The following MYH10 variants were observed in gnomAD, a reference collection of about 807,000 sequenced individuals.
MYH10 encodes the protein myosin heavy chain 10.
A neutral mutation model predicts 257.8 loss-of-function variants in MYH10; 55 were observed. The ratio of observed to expected loss-of-function variants is 0.21; its 90% CI spans 0.17 to 0.27. The LOEUF (loss-of-function observed/expected upper bound fraction) is 0.27. Among genes scored for constraint, MYH10 ranks in the 10% least tolerant of loss-of-function variants. MYH10 has a pLI of 1.00. For missense variants in MYH10, 1,631 were observed against 2,500.6 expected (o/e 0.65, Z 7.42); for synonymous variants, 854 against 921.7 (o/e 0.93, Z 1.33).
chr17:8,591,571 C>T (rs559781455), intron 3 of MYH10, among the ~76,000 whole-genome samples: 1 of 152,234 alleles, frequency 6.6e-6, no homozygotes, highest in African/African-American at 2.4e-5. Context: ...TCCACTATAC[C>T]AAGTTGTTTA....
chr17:8,592,967 AT>A (rs2084226904), intron 3 of MYH10, among the ~76,000 whole-genome samples: 2 of 127,244 alleles, frequency 1.6e-5, no homozygotes, highest in Non-Finnish European at 3.4e-5. Context: ...ATATATATAT[AT>A]ATAAAAGATG....
chr17:8,563,949 G>C (rs934450943), intron 7 of MYH10, among the ~76,000 whole-genome samples: 3 of 151,754 alleles, frequency 2.0e-5, no homozygotes, highest in African/African-American at 7.3e-5. Flanking sequence ...AGAAGGATTT[G>C]TGGAAATAGA....
intron 3 of MYH10, among the ~76,000 whole-genome samples, chr17:8,603,070 G>T (rs376808067): frequency 3.2e-4 from 48 of 152,258 alleles, no homozygotes; most frequent in African/African-American, 1.1e-3. Flanking sequence ...CCATACAGCT[G>T]GTCTGGGAAC....
intron 4 of MYH10, among the ~76,000 whole-genome samples, chr17:8,580,089 T>A (rs2083645686): frequency 6.6e-6 from 1 of 151,908 alleles, no homozygotes. Flanking sequence ...ATCTTGCCAC[T>A]GCACTCAAGC....
rs1364382308 is a variant in MYH10 at position 8,504,086 on chromosome 17, C to T, written c.3599+608G>A. 6.6e-6 allele frequency among the ~76,000 whole-genome samples: 1 copy of T among 152,346 alleles called. No individual in the cohort carries two copies. The highest frequency in any genetic ancestry group is 2.1e-4 in the South Asian group (1 of 4,832). On this transcript the variant is annotated intron_variant, in intron 28 of 42. Coordinates refer to ENST00000360416, the MANE Select transcript of MYH10 (RefSeq NM_001256012.3). The surrounding 1 kb of genome is among the most constrained non-coding windows in gnomAD (Gnocchi z 5.6). ...CTGCGACTCGTGGGCTGCCACACTGCAGCTTTCTACCCAGGAGCCTTCTCT... is the reference window on the plus strand; with the variant it reads ...CTGCGACTCGTGGGCTGCCACACTGTAGCTTTCTACCCAGGAGCCTTCTCT...
At chr17:8,516,755 T>C (rs2081480976) in intron 21 of MYH10, among the ~76,000 whole-genome samples, 1 of 152,326 alleles carries the variant, frequency 6.6e-6, no homozygotes, top group African/African-American at 2.4e-5. Context: ...TATGCTATGT[T>C]AGGCATTCTG....
intron 35 of MYH10, among the ~76,000 whole-genome samples, chr17:8,487,844 G>T (rs1002099025): frequency 1.3e-5 from 2 of 152,180 alleles, no homozygotes; most frequent in African/African-American, 4.8e-5. Flanking sequence ...CATGCGAGAA[G>T]GCAGCCAGTG....
At position 8,561,375 on chromosome 17, in the gene MYH10, C is replaced by T. The variant is rs922487100; in HGVS notation, c.757-7357G>A. 6.2e-6 allele frequency: 7 copies of T among 1,125,102 alleles called. No homozygotes were observed. In the African/African-American group the frequency reaches 9.1e-5, roughly 15 times the overall value. 69.7% of individuals were successfully genotyped at this position (1,125,102 alleles called of 1,614,324 possible). A position where few individuals can be genotyped will look rare whatever the true frequency, so the allele number is the denominator to read the frequency against. On this transcript the variant is annotated intron_variant, in intron 7 of 42. Coordinates refer to ENST00000360416, the MANE Select transcript of MYH10 (RefSeq NM_001256012.3). ...ATTCGAAACACAGTGGAGGCCGCAG[C>T]AGTCAGGGGCATTCTGAAGCAAGTG...
intron 35 of MYH10, 102 bp from the exon 36 acceptor site, chr17:8,487,696 G>A: frequency 7.5e-7 from 1 of 1,330,716 alleles, no homozygotes; most frequent in South Asian, 1.3e-5. Flanking sequence ...CGGGTGAGTG[G>A]AAACTTCTGT....
At chr17:8,550,766 A>G (rs2082614606) in intron 9 of MYH10, among the ~76,000 whole-genome samples, 1 of 151,888 alleles carries the variant, frequency 6.6e-6, no homozygotes, top group Admixed American at 6.6e-5. Flanking sequence ...AGAAGTAGAC[A>G]TGGGAGACTT....
intron 17 of MYH10, among the ~76,000 whole-genome samples, chr17:8,522,647 CT>C: frequency 6.6e-6 from 1 of 152,306 alleles, no homozygotes; most frequent in East Asian, 1.9e-4. Flanking sequence ...CTGATCTTCC[CT>C]TGACCCTGTA....
chr17:8,593,982 T>C (rs2084266842), intron 3 of MYH10, among the ~76,000 whole-genome samples: 1 of 152,146 alleles, frequency 6.6e-6, no homozygotes, highest in Non-Finnish European at 1.5e-5. Flanking sequence ...AGGAAAGACA[T>C]ATAGATCAAA....
chr17:8,528,904 A>G (rs552585246), intron 17 of MYH10, among the ~76,000 whole-genome samples: 1 of 152,336 alleles, frequency 6.6e-6, no homozygotes, highest in South Asian at 2.1e-4. Context: ...TCCAAGGAGA[A>G]GCAGAGATTG....
At chr17:8,537,943 G>A (rs1339876589) in intron 14 of MYH10, among the ~76,000 whole-genome samples, 1 of 152,198 alleles carries the variant, frequency 6.6e-6, no homozygotes, top group East Asian at 1.9e-4. Context: ...TGTGAACTCA[G>A]AGGCTTGCCT....
chr17:8,555,260 T>C (rs918268113), intron 7 of MYH10, among the ~76,000 whole-genome samples: 1 of 152,204 alleles, frequency 6.6e-6, no homozygotes, highest in Non-Finnish European at 1.5e-5. Context: ...AGTCAAGGGA[T>C]TGGAGGGCTT....
chr17:8,558,385 A>C (rs948159566), intron 7 of MYH10, among the ~76,000 whole-genome samples: 1 of 152,224 alleles, frequency 6.6e-6, no homozygotes, highest in Non-Finnish European at 1.5e-5. Flanking sequence ...GCTTCACAGA[A>C]ACAGTGCCAG....
chr17:8,491,070 T>G (rs1915686690), intron 34 of MYH10, among the ~76,000 whole-genome samples: 1 of 152,180 alleles, frequency 6.6e-6, no homozygotes, highest in Admixed American at 6.5e-5. Context: ...CAGCACCATT[T>G]CCCTCATTCT....
intron 7 of MYH10, among the ~76,000 whole-genome samples, chr17:8,563,794 G>A (rs963651051): frequency 4.6e-5 from 7 of 151,714 alleles, no homozygotes; most frequent in African/African-American, 1.7e-4. Context: ...TAAGGAGGAT[G>A]CCTAGAGCCC....
In MYH10 at chr17:8,615,157, T is replaced by G. The variant is rs369290558; in HGVS notation, c.345+7745A>C. On this transcript the variant is annotated intron_variant, in intron 2 of 42. Transcript: ENST00000360416. Reference sequence around the variant, plus strand: ...AAAAAATACAGAAATTAGCCGGGTGTGGTCCCAGCTACTTGGGAGGCTAAG... The same window carrying G: ...AAAAAATACAGAAATTAGCCGGGTGGGGTCCCAGCTACTTGGGAGGCTAAG... 1.1e-4 allele frequency among the ~76,000 whole-genome samples: 17 copies of G among 152,118 alleles called. No homozygotes were observed. The East Asian group carries it at 2.5e-3, about 23-fold the overall frequency.
Sources: gnomAD v4.1 joint callset for allele counts (sites outside exome capture counted in the v4.1 genomes callset) on GRCh38, gnomAD v4.1.1 for gene constraint, Gnocchi (gnomAD v3.1) non-coding constraint, MANE v1.5 for transcripts, NCBI Gene and HGNC (gene_info 2026-07-23, HGNC 2026-07-21) for gene names.